The following ABTB3 variants were observed in gnomAD, a reference collection of about 807,000 sequenced individuals.
The protein encoded by ABTB3 is ankyrin repeat and BTB domain containing 3, also known as ankyrin repeat- and BTB/POZ domain-containing protein 3.
At chr12:107,409,003 G>A in the ABTB3 span, among the ~76,000 whole-genome samples, 2 of 152,252 alleles carry the variant, frequency 1.3e-5, no homozygotes, top group Non-Finnish European at 2.9e-5. Flanking sequence ...GGAAACTGTG[G>A]GTCTTGGGAA....
At chr12:107,535,630 T>A in the ABTB3 span, among the ~76,000 whole-genome samples, 1 of 152,034 alleles carries the variant, frequency 6.6e-6, no homozygotes, top group Non-Finnish European at 1.5e-5. Context: ...AATAACAAAC[T>A]AGTTGAAAAA....
At chr12:107,489,692 T>G in the ABTB3 span, among the ~76,000 whole-genome samples, 1 of 152,206 alleles carries the variant, frequency 6.6e-6, no homozygotes, top group Non-Finnish European at 1.5e-5. Context: ...GGAAGCAACC[T>G]AAATGTCCCC....
chr12:107,516,598 C>G, the ABTB3 span, among the ~76,000 whole-genome samples: 1 of 152,182 alleles, frequency 6.6e-6, no homozygotes, highest in African/African-American at 2.4e-5. Context: ...ACCCCGTTGT[C>G]TCACCCTCTG....
the ABTB3 span, among the ~76,000 whole-genome samples, chr12:107,653,829 C>T: frequency 1.1e-4 from 16 of 152,192 alleles, no homozygotes; most frequent in Non-Finnish European, 2.1e-4. Flanking sequence ...TTTAAGTATA[C>T]AGTTCAGTGG....
chr12:107,570,806 C>T, the ABTB3 span, among the ~76,000 whole-genome samples: 1 of 152,172 alleles, frequency 6.6e-6, no homozygotes, highest in Non-Finnish European at 1.5e-5. Context: ...CCTACCAGTC[C>T]CTCTCCTTCC....
At chr12:107,622,400 G>A in the ABTB3 span, among the ~76,000 whole-genome samples, 1 of 152,194 alleles carries the variant, frequency 6.6e-6, no homozygotes, top group Non-Finnish European at 1.5e-5. Context: ...CAATAGGGCA[G>A]CCATCATCAC....
chr12:107,398,313 A>G, the ABTB3 span, among the ~76,000 whole-genome samples: 1 of 152,230 alleles, frequency 6.6e-6, no homozygotes, highest in Non-Finnish European at 1.5e-5. Flanking sequence ...ACTGAGATAG[A>G]GTCATTTTTC....
chr12:107,522,528 C>T, the ABTB3 span, among the ~76,000 whole-genome samples: 1 of 151,806 alleles, frequency 6.6e-6, no homozygotes, highest in African/African-American at 2.4e-5. Flanking sequence ...AGCAACTACT[C>T]CCCTCCCCTC....
chr12:107,558,651 C>T, the ABTB3 span, among the ~76,000 whole-genome samples: 3 of 152,264 alleles, frequency 2.0e-5, no homozygotes, highest in Non-Finnish European at 4.4e-5. Flanking sequence ...TGCTGACCTG[C>T]GCCCCTGGCA....
At chr12:107,642,755 T>G in the ABTB3 span, among the ~76,000 whole-genome samples, 2 of 152,204 alleles carry the variant, frequency 1.3e-5, no homozygotes, top group Non-Finnish European at 2.9e-5. Flanking sequence ...TTAGTCTAAA[T>G]CTACCCCAAT....
At chr12:107,395,141 C>T in the ABTB3 span, among the ~76,000 whole-genome samples, 5 of 152,208 alleles carry the variant, frequency 3.3e-5, no homozygotes, top group East Asian at 1.9e-4. Context: ...CACCCACCTG[C>T]GTGTATACTG....
the ABTB3 span, among the ~76,000 whole-genome samples, chr12:107,519,883 A>G: frequency 2.6e-5 from 4 of 152,344 alleles, no homozygotes; most frequent in South Asian, 8.3e-4. Context: ...TGGAAAGGAA[A>G]GAAAGAGGAT....
At chr12:107,478,540 TAATC>T in the ABTB3 span, among the ~76,000 whole-genome samples, 1 of 152,154 alleles carries the variant, frequency 6.6e-6, no homozygotes, top group Non-Finnish European at 1.5e-5. Flanking sequence ...AAGAATTAAT[TAATC>T]CAGGTGCATT....
At chr12:107,557,759 G>A in the ABTB3 span, among the ~76,000 whole-genome samples, 27 of 152,264 alleles carry the variant, frequency 1.8e-4, no homozygotes, top group Non-Finnish European at 2.9e-4. Flanking sequence ...TGTCATCCCC[G>A]TTTTACAGAT....
chr12:107,400,980 G>A, the ABTB3 span, among the ~76,000 whole-genome samples: 2 of 152,112 alleles, frequency 1.3e-5, no homozygotes, highest in South Asian at 2.1e-4. Flanking sequence ...GAGAAGGGCC[G>A]GTCCCTACCT....
chr12:107,615,981 A>G, the ABTB3 span, among the ~76,000 whole-genome samples: 1 of 152,038 alleles, frequency 6.6e-6, no homozygotes, highest in Non-Finnish European at 1.5e-5. Flanking sequence ...CAGCTCTGCA[A>G]TGCTGGAATT....
chr12:107,470,680 T>C, the ABTB3 span, among the ~76,000 whole-genome samples: 1 of 152,286 alleles, frequency 6.6e-6, no homozygotes, highest in Non-Finnish European at 1.5e-5. Context: ...TGATTGCTAA[T>C]TAAAGACAAA....
At chr12:107,545,659 A>G in the ABTB3 span, among the ~76,000 whole-genome samples, 1 of 152,214 alleles carries the variant, frequency 6.6e-6, no homozygotes, top group African/African-American at 2.4e-5. Flanking sequence ...CATCCACAAC[A>G]AATCAGTCAG....
chr12:107,658,235 A>G, the ABTB3 span: 2 of 155,170 alleles, frequency 1.3e-5, no homozygotes, highest in African/African-American at 4.8e-5. Flanking sequence ...AAAAAAACAA[A>G]AACAGGGCAG....
Sources: allele counts gnomAD v4.1 joint callset (sites outside exome capture counted in the v4.1 genomes callset), GRCh38; gene constraint gnomAD v4.1.1; transcripts MANE v1.5; gene names NCBI Gene and HGNC (gene_info 2026-07-23, HGNC 2026-07-21).